Variants in PVT1 observed in about 807,000 individuals in gnomAD.
The protein encoded by PVT1 is Pvt1 oncogene.
chr8:127,999,409 CT>C (rs1357894320), intron 4 of PVT1: 2 of 152,090 alleles, frequency 1.3e-5, no homozygotes, highest in African/African-American at 4.8e-5. Flanking sequence ...CTATGTTAAG[CT>C]AACTATGAGT....
At chr8:127,813,940 G>A (rs73351192) in intron 2 of PVT1, among the ~76,000 whole-genome samples, 2,344 of 152,228 alleles carry the variant, frequency 0.015, 57 homozygotes, top group African/African-American at 0.053. Context: ...CTGCTGCCAA[G>A]TCTGGCTAAT....
intron 2 of PVT1, among the ~76,000 whole-genome samples, chr8:127,831,457 G>A (rs929799743): frequency 6.6e-6 from 1 of 152,142 alleles, no homozygotes; most frequent in African/African-American, 2.4e-5. Flanking sequence ...CACAGGAGAT[G>A]CCAACTAGGT....
intron 3 of PVT1, among the ~76,000 whole-genome samples, chr8:127,915,137 G>A (rs933190332): frequency 6.6e-6 from 1 of 151,900 alleles, no homozygotes; most frequent in African/African-American, 2.4e-5. Flanking sequence ...TGAGTACAAA[G>A]TTTTATTTGA....
chr8:127,902,017 A>G (rs563509717), intron 3 of PVT1, among the ~76,000 whole-genome samples: 2 of 152,252 alleles, frequency 1.3e-5, no homozygotes, highest in Non-Finnish European at 2.9e-5. Context: ...ACTTCCCATG[A>G]TAATAACACT....
chr8:128,004,355 G>A (rs930797391), intron 4 of PVT1, among the ~76,000 whole-genome samples: 1 of 152,104 alleles, frequency 6.6e-6, no homozygotes, highest in Non-Finnish European at 1.5e-5. Context: ...ATTGGGTGGG[G>A]GAGAAGGGAG....
chr8:127,910,840 C>T (rs1329759174), intron 3 of PVT1, among the ~76,000 whole-genome samples: 3 of 151,928 alleles, frequency 2.0e-5, no homozygotes, highest in African/African-American at 7.3e-5. Flanking sequence ...AACAGTCTGG[C>T]TCCAGAGTTT....
intron 5 of PVT1, among the ~76,000 whole-genome samples, chr8:128,092,705 G>T (rs1309403960): frequency 6.6e-6 from 1 of 152,176 alleles, no homozygotes; most frequent in African/African-American, 2.4e-5. Context: ...GGGAGAGCTG[G>T]TGAAAGCCTT....
chr8:127,929,541 C>T (rs1363607046), intron 3 of PVT1, among the ~76,000 whole-genome samples: 5 of 152,152 alleles, frequency 3.3e-5, no homozygotes, highest in South Asian at 2.1e-4. Context: ...CCGAGGCAGG[C>T]GGATCACGAG....
chr8:127,936,915 T>C (rs749622080), intron 3 of PVT1, among the ~76,000 whole-genome samples: 1 of 152,250 alleles, frequency 6.6e-6, no homozygotes, highest in Non-Finnish European at 1.5e-5. Context: ...ATTCTCTAGA[T>C]GGGAGGGACC....
chr8:127,817,269 C>G (rs1310796218), intron 2 of PVT1, among the ~76,000 whole-genome samples: 1 of 151,318 alleles, frequency 6.6e-6, no homozygotes, highest in East Asian at 1.9e-4. Context: ...GGGCCTTTGC[C>G]TCATTTTATT....
intron 3 of PVT1, chr8:127,947,041 C>A (rs1398255684): frequency 6.6e-6 from 1 of 152,360 alleles, no homozygotes; most frequent in Non-Finnish European, 1.5e-5. Flanking sequence ...ACAAGTTAAA[C>A]CCGTGGTCAC....
chr8:127,937,120 G>C (rs1046878032), intron 3 of PVT1, among the ~76,000 whole-genome samples: 1 of 152,234 alleles, frequency 6.6e-6, no homozygotes, highest in Admixed American at 6.5e-5. Flanking sequence ...ATCTGGTTCA[G>C]TCCCTTTGCT....
intron 3 of PVT1, chr8:127,947,923 T>C (rs1385673628): frequency 2.2e-6 from 1 of 456,780 alleles, no homozygotes; most frequent in Non-Finnish European, 4.4e-6. Context: ...ATTTTACCTA[T>C]AAGGAAACTG....
At chr8:127,863,078 T>TTTTATTTATTTATTTATTTA (rs146647918) in intron 2 of PVT1, among the ~76,000 whole-genome samples, 1 of 142,058 alleles carries the variant, frequency 7.0e-6, no homozygotes, top group African/African-American at 2.6e-5. Flanking sequence ...CAGTTGCTAG[T>TTTTATTTATTTATTTATTTA]TTTATTTATT....
intron 6 of PVT1, chr8:128,099,887 G>C (rs1211810802): frequency 6.6e-6 from 1 of 151,538 alleles, no homozygotes; most frequent in Non-Finnish European, 1.5e-5. Context: ...TTTTATCATG[G>C]TCACTGTTGT....
At chr8:127,850,858 A>G (rs1391709440) in intron 2 of PVT1, among the ~76,000 whole-genome samples, 4 of 152,072 alleles carry the variant, frequency 2.6e-5, no homozygotes, top group Non-Finnish European at 5.9e-5. Context: ...GCCTCTACTA[A>G]AAATACAAAA....
At chr8:127,984,599 C>T (rs10808563) in intron 3 of PVT1, among the ~76,000 whole-genome samples, 126,637 of 152,126 alleles carry the variant, frequency 0.83, 52,791 homozygotes, top group South Asian at 0.9. Flanking sequence ...AGTCCAGGAG[C>T]AGCTGTTTTA....
intron 4 of PVT1, among the ~76,000 whole-genome samples, chr8:127,998,845 TTC>T (rs1817140143): frequency 9.1e-6 from 1 of 109,814 alleles, no homozygotes. Context: ...CCTTCCTTCC[TTC>T]CCTCCCTCCC....
intron 2 of PVT1, among the ~76,000 whole-genome samples, chr8:127,817,008 C>T (rs1237974431): frequency 2.6e-5 from 4 of 151,714 alleles, no homozygotes; most frequent in African/African-American, 7.3e-5. Context: ...TCGCAGGTGT[C>T]CCCCCACCCC....
Sources: gnomAD v4.1 joint callset for allele counts (sites outside exome capture counted in the v4.1 genomes callset) on GRCh38, gnomAD v4.1.1 for gene constraint, MANE v1.5 for transcripts, NCBI Gene and HGNC (gene_info 2026-07-23, HGNC 2026-07-21) for gene names.